Variants in RB1CC1 observed in about 807,000 individuals in gnomAD.
RB1CC1 encodes the protein RB1 inducible coiled-coil 1, also known as RB1-inducible coiled-coil protein 1.
Under a neutral mutation model 177.5 loss-of-function variants are expected in RB1CC1, and 46 were observed. That is an observed-to-expected ratio of 0.26 (90% CI 0.20 to 0.33). The LOEUF (loss-of-function observed/expected upper bound fraction) is 0.33, where lower values mean the gene tolerates loss of function less well. Among genes scored for constraint, RB1CC1 ranks in the 10% least tolerant of loss-of-function variants. RB1CC1 has a pLI of 1.00. For missense variants in RB1CC1, 1,703 were observed against 1,816.3 expected (o/e 0.94, Z 1.13); for synonymous variants, 666 against 613.6 (o/e 1.09, Z -1.26).
chr8:52,636,058 T>C lies in RB1CC1; in HGVS notation c.4349A>G (p.His1450Arg), dbSNP rs775020996. ...CCGCTGTTTTTCTTCAGACAACATA[T>C]GAATATTTTCTCTAAAAGTGAGAAT... The part of the protein sequence containing the change: ...TSMMSVQENI[H>R]MLSEEKQRIM... Residue 1450 changes from histidine to arginine, a missense_variant, in exon 19 of 24, where the codon CAT (histidine) becomes CGT (arginine). This residue lies in a region of RB1CC1 where 1,169 missense variants were observed against 1,184.7 expected (regional missense o/e 0.99). Coordinates refer to ENST00000025008, the MANE Select transcript of RB1CC1 (RefSeq NM_014781.5). The C allele has an allele frequency of 5.9e-5, 94 of 1,605,750 alleles. No individual in the cohort carries two copies. Among genetic ancestry groups the C allele is most frequent in the Non-Finnish European group, 7.5e-5 (88 of 1,177,790 alleles).
chr8:52,663,901 G>C (rs1015072955), intron 8 of RB1CC1, among the ~76,000 whole-genome samples: 1 of 152,156 alleles, frequency 6.6e-6, no homozygotes, highest in Non-Finnish European at 1.5e-5. Context: ...AGATAGAGTA[G>C]TGTCCTGCCT....
rs1437935421 is a variant in RB1CC1 at position 52,714,412 on chromosome 8, G to T, written c.-504C>A. 2.6e-5 allele frequency: 4 copies of T among 152,526 alleles called. No homozygotes were observed. Among genetic ancestry groups the T allele is most frequent in the Non-Finnish European group, 5.9e-5 (4 of 68,138 alleles). 9.4% of individuals were successfully genotyped at this position (152,526 alleles called of 1,614,324 possible). A position where few individuals can be genotyped will look rare whatever the true frequency, so the allele number is the denominator to read the frequency against. Reference sequence around the variant, plus strand: ...CGGCAGGGCCGCGGACACCGCCGCGGCTTGGTTTGTTATTGTCGACTCCGT... The same window carrying T: ...CGGCAGGGCCGCGGACACCGCCGCGTCTTGGTTTGTTATTGTCGACTCCGT... On this transcript the variant is annotated 5_prime_UTR_variant, in exon 1 of 24. Transcript: ENST00000025008.
intron 5 of RB1CC1, among the ~76,000 whole-genome samples, chr8:52,677,643 G>C (rs918876929): frequency 6.6e-6 from 1 of 152,250 alleles, no homozygotes; most frequent in South Asian, 2.1e-4. Flanking sequence ...AAGTTGTCCA[G>C]GCAAACTGTA....
In RB1CC1 at chr8:52,681,070, C is replaced by A. The variant is rs181362151; in HGVS notation, c.369+2479G>T. Among the ~76,000 whole-genome samples the A allele has an allele frequency of 6.1e-3, 922 of 150,022 alleles. 10 individuals are homozygous for A. The highest frequency in any genetic ancestry group is 9.7e-3 in the Non-Finnish European group (660 of 67,744). On this transcript the variant is annotated intron_variant, in intron 5 of 23. Transcript: ENST00000025008. ...GCAGTGGTGCGATCTTGGCTCACTG[C>A]AACCTCTGCCTCCTGGGTTCAAGCA...
chr8:52,660,686 T>G (rs1244377123), intron 11 of RB1CC1, 29 bp from the exon 12 acceptor site: 1 of 1,554,326 alleles, frequency 6.4e-7, no homozygotes, highest in Non-Finnish European at 8.7e-7. Flanking sequence ...AATATGGTTA[T>G]TTTAGAGCTT....
intron 7 of RB1CC1, among the ~76,000 whole-genome samples, chr8:52,671,994 T>C (rs913507237): frequency 6.6e-6 from 1 of 152,234 alleles, no homozygotes; most frequent in African/African-American, 2.4e-5. Context: ...TTTTTTAATA[T>C]AATGGTCATG....
At chr8:52,628,275 G>A in intron 21 of RB1CC1, 107 bp from the exon 22 acceptor site, 2 of 1,123,028 alleles carry the variant, frequency 1.8e-6, no homozygotes. Context: ...AGATATTAAT[G>A]CAATATTAAA....
intron 13 of RB1CC1, 122 bp downstream of exon 13, chr8:52,658,751 G>T: frequency 3.6e-6 from 2 of 551,850 alleles, no homozygotes; most frequent in Non-Finnish European, 5.9e-6. Flanking sequence ...AGGAAAGCCA[G>T]TCTATCTTAA....
chr8:52,699,566 T>C (rs1046109388), intron 1 of RB1CC1, among the ~76,000 whole-genome samples: 2 of 150,480 alleles, frequency 1.3e-5, no homozygotes, highest in Non-Finnish European at 3.0e-5. Flanking sequence ...CCCAGCACTT[T>C]GGAAGGGAAA....
intron 18 of RB1CC1, among the ~76,000 whole-genome samples, chr8:52,638,284 T>C (rs776565404): frequency 1.3e-5 from 2 of 152,216 alleles, no homozygotes; most frequent in Non-Finnish European, 1.5e-5. Flanking sequence ...GTGTATGACA[T>C]AAATTGACTT....
At chr8:52,630,560 A>C (rs1848684576) in intron 20 of RB1CC1, 32 bp from the exon 21 acceptor site, 1 of 1,537,434 alleles carries the variant, frequency 6.5e-7, no homozygotes, top group African/African-American at 1.4e-5. Flanking sequence ...ATGAACTTAC[A>C]CAATTTGAGT....
rs1282271661 is a variant in RB1CC1 at position 52,683,983 on chromosome 8, G to A, written c.102C>T (p.Ser34=). The A allele has an allele frequency of 1.9e-6, 3 of 1,613,776 alleles. No individual in the cohort carries two copies. The highest frequency in any genetic ancestry group is 2.2e-5 in the East Asian group (1 of 44,872). Residue 34 remains serine (S), a synonymous_variant, in exon 4 of 24, where the codon AGC becomes AGT. Coordinates refer to ENST00000025008, the MANE Select transcript of RB1CC1 (RefSeq NM_014781.5). The part of the protein sequence containing the change: ...TVADLKHAIQ[S]KYKIAIQHQV... ...GGTGTTGAATAGCAATCTTGTATTT[G>A]CTTTGAATGGCATGCTTAAGGTCTG...
intron 1 of RB1CC1, among the ~76,000 whole-genome samples, chr8:52,690,566 T>C (rs528590711): frequency 2.6e-5 from 4 of 152,332 alleles, no homozygotes; most frequent in African/African-American, 9.6e-5. Context: ...TTAAACGGTA[T>C]TGTTGGGATA....
At chr8:52,713,719 G>A (rs578098085) in intron 1 of RB1CC1, among the ~76,000 whole-genome samples, 2 of 152,332 alleles carry the variant, frequency 1.3e-5, no homozygotes, top group African/African-American at 2.4e-5. Context: ...CGGCCACTCC[G>A]GCAACTAGGC....
chr8:52,674,118 A>G lies in RB1CC1; in HGVS notation c.729T>C (p.Ser243=). The change falls in exon 7 of 24, where the codon TCT becomes TCC. Residue 243 remains serine, a synonymous_variant. Transcript: ENST00000025008. ...EMKRSTELVL[S]PDMPRTTNES... ...CGTTAGTTGTTCTAGGCATATCAGG[A>G]GAGAGCACCAGTTCAGTGGATCTTT... 1 of 1,614,160 alleles carries G rather than the reference A, an allele frequency of 6.2e-7. No homozygotes were observed. The highest frequency in any genetic ancestry group is 8.5e-7 in the Non-Finnish European group (1 of 1,180,016).
Position 52,656,358 on chromosome 8 carries a change from T to C in RB1CC1, c.3471A>G (p.Lys1157=), listed in dbSNP as rs778173836. 1.2e-6 allele frequency: 2 copies of C among 1,611,844 alleles called. No individual in the cohort carries two copies. The highest frequency in any genetic ancestry group is 1.1e-5 in the South Asian group (1 of 90,884). ...ESNILKAELN[K]VTSLHNQAFE... ...ATGCTTGGTTATGCAAAGATGTTACTTTGTTTAATTCAGCTTTAAGTATAT... is the reference window on the plus strand; with the variant it reads ...ATGCTTGGTTATGCAAAGATGTTACCTTGTTTAATTCAGCTTTAAGTATAT... Residue 1157 remains lysine (K), a synonymous_variant, in exon 15 of 24, where the codon AAA becomes AAG. Coordinates refer to ENST00000025008, the MANE Select transcript of RB1CC1 (RefSeq NM_014781.5).
In RB1CC1 at chr8:52,624,708, C is replaced by T. The variant is rs781531575; in HGVS notation, c.4707+9G>A. ...TCCCAGGCTTAGTATCACATGATGTCGTTTTTACCTTTTTGGCTTGACAGT... is the reference window on the plus strand; with the variant it reads ...TCCCAGGCTTAGTATCACATGATGTTGTTTTTACCTTTTTGGCTTGACAGT... On this transcript the variant is annotated intron_variant, in intron 23 of 23. Transcript: ENST00000025008. The T allele has an allele frequency of 3.5e-5, 55 of 1,573,786 alleles. 1 individual carries two copies. Among genetic ancestry groups the T allele is most frequent in the Admixed American group, 3.0e-4 (18 of 59,278 alleles).
intron 5 of RB1CC1, among the ~76,000 whole-genome samples, chr8:52,681,076 C>T (rs1238036700): frequency 7.3e-5 from 11 of 150,676 alleles, no homozygotes; most frequent in Admixed American, 4.0e-4. Context: ...ACTGCAACCT[C>T]TGCCTCCTGG....
intron 18 of RB1CC1, among the ~76,000 whole-genome samples, chr8:52,638,452 A>G (rs900066364): frequency 3.3e-5 from 5 of 152,260 alleles, no homozygotes; most frequent in East Asian, 1.9e-4. Context: ...CTGATTTGGT[A>G]TTAGTATATA....
Sources: gnomAD v4.1 joint callset for allele counts (sites outside exome capture counted in the v4.1 genomes callset) on GRCh38, gnomAD v4.1.1 for gene constraint, gnomAD v4.1.1 regional missense constraint, MANE v1.5 for transcripts, NCBI Gene and HGNC (gene_info 2026-07-23, HGNC 2026-07-21) for gene names.